The following PCCB variants were observed in gnomAD, a reference collection of about 807,000 sequenced individuals.
PCCB encodes propionyl-CoA carboxylase subunit beta, also known as propionyl-CoA carboxylase beta chain, mitochondrial.
A neutral mutation model predicts 60.7 loss-of-function variants in PCCB; 43 were observed. The ratio of observed to expected loss-of-function variants is 0.71; its 90% CI spans 0.55 to 0.91. The LOEUF (loss-of-function observed/expected upper bound fraction) is 0.91. Ranked by LOEUF, PCCB falls within the 40% of genes least tolerant of loss-of-function variation. PCCB has a pLI of 0.00. For synonymous variants in PCCB, 276 were observed against 255.9 expected (o/e 1.08, Z -0.75); for missense variants, 766 against 702.8 (o/e 1.09, Z -1.02).
Position 136,301,119 on chromosome 3 carries a change from C to A in PCCB, c.966+8C>A. On this transcript the variant is annotated splice_region_variant and intron_variant, in intron 9 of 14. Coordinates refer to ENST00000251654, the MANE Select transcript of PCCB (RefSeq NM_000532.5). ...GTGGACATCATACACTCTGTAAGTG[C>A]CACATCTGTTTGTCTTGCCTGTCCT... 6.2e-7 allele frequency: 1 copy of A among 1,605,090 alleles called. No individual in the cohort carries two copies. The highest frequency in any genetic ancestry group is 8.5e-7 in the Non-Finnish European group (1 of 1,171,646).
chr3:136,282,829 C>T (rs1028838702), intron 5 of PCCB, among the ~76,000 whole-genome samples: 3 of 152,166 alleles, frequency 2.0e-5, no homozygotes, highest in African/African-American at 7.2e-5. Context: ...TGGTGGCAGC[C>T]TTGGTTAAGA....
At chr3:136,250,693 T>C in intron 1 of PCCB, 135 bp downstream of exon 1, 1 of 848,940 alleles carries the variant, frequency 1.2e-6, no homozygotes, top group Non-Finnish European at 1.8e-6. Flanking sequence ...GGTGTTCACC[T>C]TGAAAACCTG....
At chr3:136,326,483 A>G (rs190322998) in intron 10 of PCCB, 51 of 682,952 alleles carry the variant, frequency 7.5e-5, no homozygotes, top group Non-Finnish European at 6.1e-5. Flanking sequence ...AGGACTCTCT[A>G]AGACCAGCCC....
At chr3:136,298,986 C>T (rs1164084474) in intron 8 of PCCB, among the ~76,000 whole-genome samples, 1 of 152,152 alleles carries the variant, frequency 6.6e-6, no homozygotes, top group Non-Finnish European at 1.5e-5. Context: ...GGGACATACC[C>T]AGTGGCCCAC....
intron 5 of PCCB, among the ~76,000 whole-genome samples, chr3:136,275,165 G>A (rs544973582): frequency 9.2e-5 from 14 of 152,156 alleles, no homozygotes; most frequent in African/African-American, 3.4e-4. Context: ...GGGTTAATTT[G>A]AAAGCCTTGT....
chr3:136,263,671 T>A (rs761938292), intron 5 of PCCB, among the ~76,000 whole-genome samples: 1 of 152,142 alleles, frequency 6.6e-6, no homozygotes, highest in Non-Finnish European at 1.5e-5. Flanking sequence ...CTCCACTCAC[T>A]TATTCCTGCC....
intron 5 of PCCB, among the ~76,000 whole-genome samples, chr3:136,264,800 G>T (rs1308614438): frequency 6.8e-6 from 1 of 148,044 alleles, no homozygotes; most frequent in Non-Finnish European, 1.5e-5. Context: ...GCATGAACCC[G>T]GGAGGCAGAG....
At chr3:136,320,317 A>G (rs1166519102) in intron 10 of PCCB, among the ~76,000 whole-genome samples, 3 of 152,300 alleles carry the variant, frequency 2.0e-5, no homozygotes, top group Admixed American at 2.0e-4. Flanking sequence ...ATTGTCTTTC[A>G]ATCCATGAAC....
intron 9 of PCCB, among the ~76,000 whole-genome samples, chr3:136,303,746 G>C (rs946496332): frequency 8.2e-6 from 1 of 121,354 alleles, no homozygotes. Context: ...TGGGATTACA[G>C]GCGAGCCCTA....
At chr3:136,257,756 C>A (rs1054810574) in intron 3 of PCCB, among the ~76,000 whole-genome samples, 1 of 151,928 alleles carries the variant, frequency 6.6e-6, no homozygotes, top group Non-Finnish European at 1.5e-5. Flanking sequence ...GCCAACATGG[C>A]GAAACTCCAT....
chr3:136,312,246 A>G (rs747191522), intron 9 of PCCB, among the ~76,000 whole-genome samples: 1 of 152,224 alleles, frequency 6.6e-6, no homozygotes, highest in Non-Finnish European at 1.5e-5. Flanking sequence ...ACAAACCTAG[A>G]TGGTATAACC....
chr3:136,304,058 G>A (rs1368870667), intron 9 of PCCB, among the ~76,000 whole-genome samples: 1 of 121,636 alleles, frequency 8.2e-6, no homozygotes. Context: ...TGAGGTCTGT[G>A]TCTCTTTGGC....
At chr3:136,276,117 C>G (rs138598785) in intron 5 of PCCB, among the ~76,000 whole-genome samples, 1 of 152,218 alleles carries the variant, frequency 6.6e-6, no homozygotes, top group Non-Finnish European at 1.5e-5. Flanking sequence ...TTCACTGTCT[C>G]CTATGGGGTT....
At position 136,304,348 on chromosome 3, in the gene PCCB, A is replaced by G. The variant is rs1242877739; in HGVS notation, c.966+3237A>G. On this transcript the variant is annotated intron_variant, in intron 9 of 14. Coordinates refer to ENST00000251654, the MANE Select transcript of PCCB (RefSeq NM_000532.5). ...TTTAAAATTTTTTGTAGAGATGGCA[A>G]CTCACTATGTTGCCCAGGCTGGCTT... is the stretch of plus-strand genomic sequence containing the variant. 6.0e-5 allele frequency among the ~76,000 whole-genome samples: 7 copies of G among 116,662 alleles called. 3 individuals carry two copies. Among genetic ancestry groups the G allele is most frequent in the Non-Finnish European group, 1.3e-4 (7 of 52,754 alleles). The allele number at this position is 116,662 out of a possible 152,430, so 76.5% of individuals were successfully genotyped here. A position where few individuals can be genotyped will look rare whatever the true frequency, so the allele number is the denominator to read the frequency against.
At chr3:136,298,110 G>A (rs745591595) in intron 8 of PCCB, 38 bp downstream of exon 8, 12 of 1,613,462 alleles carry the variant, frequency 7.4e-6, no homozygotes, top group Non-Finnish European at 9.3e-6. Flanking sequence ...TCATTTTGCA[G>A]TGTAGCTTGC....
intron 10 of PCCB, among the ~76,000 whole-genome samples, chr3:136,325,005 G>GCCC (rs1935252514): frequency 6.6e-6 from 1 of 151,990 alleles, no homozygotes; most frequent in African/African-American, 2.4e-5. Flanking sequence ...CAATTCTCCT[G>GCCC]CCTCAGCCTC....
chr3:136,270,461 C>T (rs1259462651), intron 5 of PCCB, among the ~76,000 whole-genome samples: 2 of 152,076 alleles, frequency 1.3e-5, no homozygotes, highest in Admixed American at 1.3e-4. Flanking sequence ...AGAACACTCA[C>T]ACAAGTTACA....
intron 5 of PCCB, among the ~76,000 whole-genome samples, chr3:136,279,048 A>C (rs1942405505): frequency 2.6e-5 from 4 of 152,124 alleles, no homozygotes; most frequent in Admixed American, 1.3e-4. Context: ...CCTTTTATCA[A>C]TATGTCTCTC....
intron 6 of PCCB, among the ~76,000 whole-genome samples, chr3:136,291,673 T>G (rs896219865): frequency 6.6e-6 from 1 of 152,164 alleles, no homozygotes; most frequent in Non-Finnish European, 1.5e-5. Flanking sequence ...GGTATTTTTC[T>G]TCCCTCGCGT....
Sources: allele counts gnomAD v4.1 joint callset (sites outside exome capture counted in the v4.1 genomes callset), GRCh38; gene constraint gnomAD v4.1.1; transcripts MANE v1.5; gene names NCBI Gene and HGNC (gene_info 2026-07-23, HGNC 2026-07-21).